Variants in LIN28A observed in about 807,000 individuals in gnomAD.
The protein encoded by LIN28A is lin-28 RNA binding posttranscriptional regulator A.
LIN28A carries 11 observed loss-of-function variants against 21.1 expected under a neutral mutation model. That is an observed-to-expected ratio of 0.52 (90% CI 0.33 to 0.86). The LOEUF (loss-of-function observed/expected upper bound fraction) is 0.86, where lower values mean the gene tolerates loss of function less well. Among genes scored for constraint, LIN28A ranks in the 40% least tolerant of loss-of-function variants. LIN28A has a pLI of 0.03. For missense variants in LIN28A, 219 were observed against 279.8 expected, an observed-to-expected ratio of 0.78 and a Z score of 1.55; for synonymous variants, 111 against 108.7, an observed-to-expected ratio of 1.02 and a Z score of -0.13.
At chr1:26,419,271 G>C (rs919705675) in intron 2 of LIN28A, among the ~76,000 whole-genome samples, 7 of 152,044 alleles carry the variant, frequency 4.6e-5, no homozygotes, top group Non-Finnish European at 8.8e-5. Context: ...GGAGGGCAGG[G>C]AGCCACCCCT....
Position 26,429,474 on chromosome 1 carries a change from T to C in LIN28A, c.*3016T>C, listed in dbSNP as rs917733920. On this transcript the variant is annotated 3_prime_UTR_variant, in exon 4 of 4. Coordinates refer to ENST00000326279, the MANE Select transcript of LIN28A (RefSeq NM_024674.6). ...ATCTTGAATTTATGGGGCGGGAGGG[T>C]AGGAAAGCCTGTACCTGTCTGTTTT... 6.6e-6 allele frequency: 1 copy of C among 152,586 alleles called. No individual in the cohort carries two copies. The highest frequency in any genetic ancestry group is 1.5e-5 in the Non-Finnish European group (1 of 68,056). 9.5% of individuals were successfully genotyped at this position (152,586 alleles called of 1,614,324 possible). A position where few individuals can be genotyped will look rare whatever the true frequency, so the allele number is the denominator to read the frequency against.
chr1:26,411,328 G>T lies in LIN28A; in HGVS notation c.32-58G>T, dbSNP rs2074957443. 1 of 1,453,832 alleles carries T rather than the reference G, an allele frequency of 6.9e-7. No individual in the cohort carries two copies. The allele number at this position is 1,453,832 out of a possible 1,614,324, so 90.1% of individuals were successfully genotyped here. On this transcript the variant is annotated intron_variant, in intron 1 of 3. Transcript: ENST00000326279. This position sits in a 1 kb window ranked among gnomAD's most constrained non-coding sequence, Gnocchi z 5.4. ...ACTCGGGTCTCCCTGCCTGGGGCCC[G>T]AGACGGCCCTCCGATTCCGTGCCCC...
At position 26,429,495 on chromosome 1, in the gene LIN28A, G is replaced by T. The variant is rs1473885477; in HGVS notation, c.*3037G>T. 6.6e-6 allele frequency: 1 copy of T among 152,556 alleles called. No homozygotes were observed. The highest frequency in any genetic ancestry group is 1.5e-5 in the Non-Finnish European group (1 of 68,028). 9.5% of individuals were successfully genotyped at this position (152,556 alleles called of 1,614,324 possible). A position where few individuals can be genotyped will look rare whatever the true frequency, so the allele number is the denominator to read the frequency against. On this transcript the variant is annotated 3_prime_UTR_variant, in exon 4 of 4. Transcript: ENST00000326279. The stretch of plus-strand genomic sequence containing the variant: ...AGGGTAGGAAAGCCTGTACCTGTCT[G>T]TTTTTTTCCTGATCCTTTTCCCTCA...
chr1:26,426,431 T>C lies in LIN28A; in HGVS notation c.603T>C (p.Pro201=). ...AGGAAGAAGAAGAAATCCACAGCCC[T>C]ACCCTGCTCCCGGAGGCACAGAATT... ...FREEEEEIHS[P]TLLPEAQN is the part of the protein sequence containing the mutation. The change falls in exon 4 of 4, where the codon CCT becomes CCC. Residue 201 remains proline, a synonymous_variant. Transcript: ENST00000326279. 1.2e-6 allele frequency: 2 copies of C among 1,614,138 alleles called. No individual in the cohort carries two copies. Among genetic ancestry groups the C allele is most frequent in the South Asian group, 2.2e-5 (2 of 91,086 alleles).
intron 2 of LIN28A, among the ~76,000 whole-genome samples, chr1:26,416,317 A>G (rs1347641341): frequency 1.3e-5 from 2 of 152,152 alleles, no homozygotes; most frequent in Admixed American, 1.3e-4. Context: ...AGGCTGTGAC[A>G]CCATCCTGAA....
chr1:26,424,780 C>T (rs186138041), intron 2 of LIN28A, among the ~76,000 whole-genome samples: 6 of 151,856 alleles, frequency 4.0e-5, no homozygotes, highest in Non-Finnish European at 7.4e-5. Context: ...CTCACTCTGT[C>T]GCCCAGGCTG....
In LIN28A at chr1:26,411,591, GAT is replaced by G. The variant is rs778228918; in HGVS notation, c.228+10_228+11del. On this transcript the variant is annotated intron_variant, in intron 2 of 3. Transcript: ENST00000326279. This position sits in a 1 kb window ranked among gnomAD's most constrained non-coding sequence, Gnocchi z 5.4. ...ATGTCTTTGTGCACCAGGTGAGACT[GAT>G]TCCGGTAACTTTGCCCAGGGAAGGG... is the stretch of plus-strand genomic sequence containing the variant. The G allele has an allele frequency of 1.9e-6, 3 of 1,607,850 alleles. No individual in the cohort carries two copies. Among genetic ancestry groups the G allele is most frequent in the South Asian group, 2.2e-5 (2 of 90,178 alleles).
chr1:26,426,290 G>C lies in LIN28A; in HGVS notation c.462G>C (p.Leu154=). 10 of 1,614,182 alleles carry C rather than the reference G, an allele frequency of 6.2e-6. No homozygotes were observed. Among genetic ancestry groups the C allele is most frequent in the Non-Finnish European group, 7.6e-6 (9 of 1,180,032 alleles). ...ATCATCATGCCAAGGAATGCAAGCT[G>C]CCACCCCAGCCCAAGAAGTGCCACT... The part of the protein sequence containing the change: ...GLDHHAKECK[L]PPQPKKCHFC... Residue 154 remains leucine (L), a synonymous_variant, in exon 4 of 4, where the codon CTG becomes CTC. Coordinates refer to ENST00000326279, the MANE Select transcript of LIN28A (RefSeq NM_024674.6).
At chr1:26,425,609 A>G (rs2075054116) in intron 3 of LIN28A, 122 bp downstream of exon 3, 1 of 913,530 alleles carries the variant, frequency 1.1e-6, no homozygotes. Flanking sequence ...CAGCATCTGG[A>G]AGGCTGAGCG....
At position 26,410,838 on chromosome 1, in the gene LIN28A, G is replaced by C. The variant is rs537567067; in HGVS notation, c.-54G>C. 2.5e-6 allele frequency: 4 copies of C among 1,598,634 alleles called. No individual in the cohort carries two copies. The African/African-American group carries it at 4.0e-5, about 16-fold the overall frequency. On this transcript the variant is annotated 5_prime_UTR_variant, in exon 1 of 4. Transcript: ENST00000326279. ...CAACCCTTTGCCTTCGGACTTCTCCGGGGCCAGCAGCCGCCCGACCAGGGG... is the reference window on the plus strand; with the variant it reads ...CAACCCTTTGCCTTCGGACTTCTCCCGGGCCAGCAGCCGCCCGACCAGGGG...
intron 2 of LIN28A, among the ~76,000 whole-genome samples, chr1:26,421,186 A>G (rs184521782): frequency 6.6e-6 from 1 of 152,240 alleles, no homozygotes; most frequent in African/African-American, 2.4e-5. Context: ...TTATTTGGTG[A>G]TCTTTCTCAG....
At position 26,411,209 on chromosome 1, in the gene LIN28A, C is replaced by G. The variant is rs1038224144; in HGVS notation, c.32-177C>G. Among the ~76,000 whole-genome samples the G allele has an allele frequency of 6.6e-6, 1 of 152,222 alleles. No individual in the cohort carries two copies. The highest frequency in any genetic ancestry group is 2.4e-5 in the African/African-American group (1 of 41,460). ...TTCGGGGCACTACTGTCCCGGTGTA[C>G]GCTAGGGGAACGCGGGAGGCGACCG... On this transcript the variant is annotated intron_variant, in intron 1 of 3. Transcript: ENST00000326279. The surrounding 1 kb of genome is among the most constrained non-coding windows in gnomAD (Gnocchi z 5.4).
At chr1:26,420,045 C>T (rs1399000361) in intron 2 of LIN28A, among the ~76,000 whole-genome samples, 1 of 152,146 alleles carries the variant, frequency 6.6e-6, no homozygotes, top group African/African-American at 2.4e-5. Flanking sequence ...GCAAGCTCTG[C>T]CTCCCAGATT....
At chr1:26,418,285 G>A (rs2075007211) in intron 2 of LIN28A, among the ~76,000 whole-genome samples, 1 of 152,110 alleles carries the variant, frequency 6.6e-6, no homozygotes, top group Non-Finnish European at 1.5e-5. Flanking sequence ...GGTGGCTCAC[G>A]CCTGTAATCC....
intron 2 of LIN28A, among the ~76,000 whole-genome samples, chr1:26,421,022 C>CT (rs960089983): frequency 1.1e-3 from 163 of 145,530 alleles, no homozygotes; most frequent in African/African-American, 1.2e-3. Context: ...TCAACAACTA[C>CT]TTTTTTTTTT....
chr1:26,425,158 G>A (rs957227649), intron 2 of LIN28A, 145 bp from the exon 3 acceptor site: 7 of 722,508 alleles, frequency 9.7e-6, no homozygotes, highest in Admixed American at 3.0e-5. Context: ...GTTCTTAATC[G>A]TAGTGACTCT....
Position 26,429,536 on chromosome 1 carries a change from A to G in LIN28A, c.*3078A>G, listed in dbSNP as rs887139386. 6.6e-6 allele frequency: 1 copy of G among 152,336 alleles called. No individual in the cohort carries two copies. Among genetic ancestry groups the G allele is most frequent in the Non-Finnish European group, 1.5e-5 (1 of 68,030 alleles). The allele number at this position is 152,336 out of a possible 1,614,324, so 9.4% of individuals were successfully genotyped here. A position where few individuals can be genotyped will look rare whatever the true frequency, so the allele number is the denominator to read the frequency against. On this transcript the variant is annotated 3_prime_UTR_variant, in exon 4 of 4. Coordinates refer to ENST00000326279, the MANE Select transcript of LIN28A (RefSeq NM_024674.6). ...TTTTCCCTCATTCCTGAACTGCAGG[A>G]GACTGAGCCCCTTTGGGCTTTGGTG...
Position 26,411,875 on chromosome 1 carries a change from G to A in LIN28A, c.228+293G>A, listed in dbSNP as rs544102632. Among the ~76,000 whole-genome samples, 1 of 152,228 alleles carries A rather than the reference G, an allele frequency of 6.6e-6. No homozygotes were observed. The highest frequency in any genetic ancestry group is 2.1e-4 in the South Asian group (1 of 4,826). ...GCAGGGGGCAGGGAGGTGACCCCAT[G>A]TGGCAGAAACTAAGGTTGTATTGTG... On this transcript the variant is annotated intron_variant, in intron 2 of 3. Transcript: ENST00000326279. The surrounding 1 kb of genome is among the most constrained non-coding windows in gnomAD (Gnocchi z 5.4).
Position 26,411,672 on chromosome 1 carries a change from G to A in LIN28A, c.228+90G>A, listed in dbSNP as rs2074960632. 2 of 1,298,756 alleles carry A rather than the reference G, an allele frequency of 1.5e-6. No individual in the cohort carries two copies. Among genetic ancestry groups the A allele is most frequent in the Non-Finnish European group, 1.1e-6 (1 of 920,490 alleles). 80.5% of individuals were successfully genotyped at this position (1,298,756 alleles called of 1,614,324 possible). A position where few individuals can be genotyped will look rare whatever the true frequency, so the allele number is the denominator to read the frequency against. On this transcript the variant is annotated intron_variant, in intron 2 of 3. Coordinates refer to ENST00000326279, the MANE Select transcript of LIN28A (RefSeq NM_024674.6). This position sits in a 1 kb window ranked among gnomAD's most constrained non-coding sequence, Gnocchi z 5.4. Reference sequence around the variant, plus strand: ...CTCCGGGCTCGCAGTTGAATTGAGGGCCATCGGGAGCCCTCATTATGCATC... The same window carrying A: ...CTCCGGGCTCGCAGTTGAATTGAGGACCATCGGGAGCCCTCATTATGCATC...
Sources: gnomAD v4.1 joint callset for allele counts (sites outside exome capture counted in the v4.1 genomes callset) on GRCh38, gnomAD v4.1.1 for gene constraint, Gnocchi (gnomAD v3.1) non-coding constraint, MANE v1.5 for transcripts, NCBI Gene and HGNC (gene_info 2026-07-23, HGNC 2026-07-21) for gene names.